LRMDA: variants seen among roughly 807,000 people sequenced by gnomAD.
The protein encoded by LRMDA is leucine rich melanocyte differentiation associated, also known as leucine-rich melanocyte differentiation-associated protein.
In LRMDA, 18 loss-of-function variants were observed where a neutral mutation model predicts 29.8. That is an observed-to-expected ratio of 0.60 (90% CI 0.42 to 0.90). The LOEUF is 0.90. Ranked by LOEUF, LRMDA falls within the 40% of genes least tolerant of loss-of-function variation. LRMDA has a pLI of 0.00. For missense variants in LRMDA, 273 were observed against 273.9 expected (o/e 1.00, Z 0.02); for synonymous variants, 125 against 109.4 (o/e 1.14, Z -0.89).
chr10:76,221,398 T>G (rs1468767177), intron 5 of LRMDA, among the ~76,000 whole-genome samples: 2 of 152,246 alleles, frequency 1.3e-5, no homozygotes. Flanking sequence ...AAAATCTACT[T>G]AAGCTGATAA....
chr10:76,178,575 G>A (rs1009312439), intron 5 of LRMDA, among the ~76,000 whole-genome samples: 1 of 152,152 alleles, frequency 6.6e-6, no homozygotes. Flanking sequence ...TAGGGAAACA[G>A]GGATCCTCTG....
intron 6 of LRMDA, among the ~76,000 whole-genome samples, chr10:76,518,368 T>A (rs1370595217): frequency 6.6e-6 from 1 of 151,986 alleles, no homozygotes; most frequent in Non-Finnish European, 1.5e-5. Flanking sequence ...ATATCTCTCA[T>A]ATATAGAATT....
At chr10:76,519,692 G>T (rs775733103) in intron 6 of LRMDA, among the ~76,000 whole-genome samples, 1 of 151,992 alleles carries the variant, frequency 6.6e-6, no homozygotes, top group Non-Finnish European at 1.5e-5. Flanking sequence ...CAAACATTAC[G>T]TACTACCATT....
intron 6 of LRMDA, among the ~76,000 whole-genome samples, chr10:76,537,494 T>C (rs183247224): frequency 6.6e-6 from 1 of 152,316 alleles, no homozygotes; most frequent in Admixed American, 6.5e-5. Context: ...TGTACTTCTT[T>C]CTGGAGGCCC....
At chr10:75,559,473 T>G (rs1056642758) in intron 2 of LRMDA, among the ~76,000 whole-genome samples, 10 of 151,626 alleles carry the variant, frequency 6.6e-5, no homozygotes, top group African/African-American at 2.4e-4. Flanking sequence ...TTTCTCCCAT[T>G]TTGTAGGTTG....
intron 2 of LRMDA, among the ~76,000 whole-genome samples, chr10:75,756,628 A>T (rs1251473695): frequency 6.6e-6 from 1 of 152,240 alleles, no homozygotes; most frequent in Non-Finnish European, 1.5e-5. Context: ...GAACAATAAT[A>T]GTGATGAGGA....
At chr10:75,861,275 A>G (rs531788044) in intron 2 of LRMDA, among the ~76,000 whole-genome samples, 9 of 152,370 alleles carry the variant, frequency 5.9e-5, no homozygotes, top group Admixed American at 1.3e-4. Flanking sequence ...TTAGCTGGGT[A>G]TCCTCAGGGG....
intron 6 of LRMDA, among the ~76,000 whole-genome samples, chr10:76,427,379 T>C (rs1327152844): frequency 1.3e-5 from 2 of 151,996 alleles, no homozygotes; most frequent in Non-Finnish European, 2.9e-5. Context: ...TGAATGGGAG[T>C]TCACTCATGA....
intron 2 of LRMDA, among the ~76,000 whole-genome samples, chr10:75,573,503 C>T (rs1192476513): frequency 6.6e-6 from 1 of 152,072 alleles, no homozygotes; most frequent in Non-Finnish European, 1.5e-5. Flanking sequence ...ATGCTGAGCT[C>T]TGGATCATTT....
chr10:75,672,743 T>A (rs1011111358), intron 2 of LRMDA, among the ~76,000 whole-genome samples: 2 of 150,402 alleles, frequency 1.3e-5, no homozygotes, highest in African/African-American at 4.9e-5. Context: ...AGCTAATTTT[T>A]ACGTTTTCAG....
At chr10:76,550,387 T>G (rs74823640) in intron 6 of LRMDA, among the ~76,000 whole-genome samples, 3,844 of 152,260 alleles carry the variant, frequency 0.025, 101 homozygotes, top group African/African-American at 0.072. Context: ...CCTTGTGGTG[T>G]TGTTTTTGTA....
chr10:75,765,349 C>T (rs1232631492), intron 2 of LRMDA, among the ~76,000 whole-genome samples: 1 of 151,942 alleles, frequency 6.6e-6, no homozygotes, highest in Non-Finnish European at 1.5e-5. Flanking sequence ...TGAGAGTGCT[C>T]AGGGTTTCTT....
intron 4 of LRMDA, among the ~76,000 whole-genome samples, chr10:76,049,051 G>A (rs1443878026): frequency 6.6e-6 from 1 of 152,144 alleles, no homozygotes. Flanking sequence ...CCATTTGGAT[G>A]TCAACAAATG....
intron 2 of LRMDA, among the ~76,000 whole-genome samples, chr10:75,553,268 T>C (rs1405889961): frequency 6.6e-6 from 1 of 152,196 alleles, no homozygotes; most frequent in African/African-American, 2.4e-5. Context: ...TGAGTTTTGT[T>C]CTATGACAGC....
chr10:75,733,089 A>G (rs769635708), intron 2 of LRMDA, among the ~76,000 whole-genome samples: 3 of 152,196 alleles, frequency 2.0e-5, no homozygotes, highest in Non-Finnish European at 4.4e-5. Flanking sequence ...GTGGTCTCCA[A>G]TTTCAGTGTA....
intron 5 of LRMDA, among the ~76,000 whole-genome samples, chr10:76,126,282 A>G (rs1274088451): frequency 6.6e-6 from 1 of 152,182 alleles, no homozygotes; most frequent in African/African-American, 2.4e-5. Flanking sequence ...TAGATTGAAT[A>G]CTACTCTAAT....
At chr10:75,931,179 G>C (rs953507698) in intron 2 of LRMDA, among the ~76,000 whole-genome samples, 1 of 152,186 alleles carries the variant, frequency 6.6e-6, no homozygotes, top group Admixed American at 6.5e-5. Context: ...GGTGGAATCA[G>C]CTGCATATAC....
intron 2 of LRMDA, among the ~76,000 whole-genome samples, chr10:75,691,014 C>CAA (rs1461366467): frequency 7.1e-5 from 10 of 141,362 alleles, no homozygotes. Flanking sequence ...CACACACACA[C>CAA]ACACACACAC....
chr10:76,390,673 C>A (rs1447278085), intron 6 of LRMDA, among the ~76,000 whole-genome samples: 1 of 152,066 alleles, frequency 6.6e-6, no homozygotes, highest in East Asian at 1.9e-4. Context: ...AATCCTTAAA[C>A]TGCCTGTATG....
Sources: gnomAD v4.1 joint callset for allele counts (sites outside exome capture counted in the v4.1 genomes callset) on GRCh38, gnomAD v4.1.1 for gene constraint, MANE v1.5 for transcripts, NCBI Gene and HGNC (gene_info 2026-07-23, HGNC 2026-07-21) for gene names.